PCDH15: variants seen among roughly 807,000 people sequenced by gnomAD.
The protein encoded by PCDH15 is protocadherin related 15, also known as protocadherin-15.
In PCDH15, 129 loss-of-function variants were observed where a neutral mutation model predicts 178.5. The ratio of observed to expected loss-of-function variants is 0.72; its 90% CI spans 0.63 to 0.84. The LOEUF (loss-of-function observed/expected upper bound fraction) is 0.84, where lower values mean the gene tolerates loss of function less well. Among genes scored for constraint, PCDH15 ranks in the 40% least tolerant of loss-of-function variants. The pLI is 0.00. For missense variants in PCDH15, 2,230 were observed against 2,099.9 expected (o/e 1.06, Z -1.21); for synonymous variants, 800 against 732.0 (o/e 1.09, Z -1.50).
intron 1 of PCDH15, among the ~76,000 whole-genome samples, chr10:55,314,340 T>C (rs1843668093): frequency 6.6e-6 from 1 of 151,556 alleles, no homozygotes; most frequent in African/African-American, 2.4e-5. Context: ...ACTCAGAACA[T>C]ATTGGTGGGA....
chr10:54,539,004 G>C (rs1360299934), intron 2 of PCDH15, among the ~76,000 whole-genome samples: 2 of 152,162 alleles, frequency 1.3e-5, no homozygotes, highest in Non-Finnish European at 2.9e-5. Flanking sequence ...TCTCTTGATT[G>C]CTTTAGAGAT....
intron 1 of PCDH15, among the ~76,000 whole-genome samples, chr10:54,695,869 T>TG (rs1272097214): frequency 6.6e-6 from 1 of 151,582 alleles, no homozygotes; most frequent in Admixed American, 6.6e-5. Context: ...TAAGCCCCAA[T>TG]GGAAAAAAAA....
chr10:54,308,600 C>A (rs2060697820), intron 8 of PCDH15, among the ~76,000 whole-genome samples: 2 of 151,830 alleles, frequency 1.3e-5, no homozygotes, highest in African/African-American at 4.8e-5. Context: ...TAAGGAGAAC[C>A]AAGGATTCCT....
chr10:54,066,252 T>C (rs1354200328), intron 18 of PCDH15, among the ~76,000 whole-genome samples: 2 of 152,202 alleles, frequency 1.3e-5, no homozygotes, highest in Non-Finnish European at 2.9e-5. Flanking sequence ...CACCGGCTAA[T>C]ATGTCCAGGT....
At chr10:53,928,884 A>G (rs943158844) in intron 25 of PCDH15, among the ~76,000 whole-genome samples, 3 of 152,034 alleles carry the variant, frequency 2.0e-5, no homozygotes, top group African/African-American at 7.2e-5. Flanking sequence ...ATTATTTACT[A>G]TATTAATTAT....
At chr10:55,294,580 T>C (rs1034367196) in intron 1 of PCDH15, among the ~76,000 whole-genome samples, 1 of 152,224 alleles carries the variant, frequency 6.6e-6, no homozygotes, top group African/African-American at 2.4e-5. Flanking sequence ...ATTTTTGTTA[T>C]TATGATAATT....
intron 18 of PCDH15, among the ~76,000 whole-genome samples, chr10:54,055,853 T>G (rs1375477323): frequency 6.6e-6 from 1 of 152,256 alleles, no homozygotes; most frequent in Non-Finnish European, 1.5e-5. Flanking sequence ...GATCTTTATC[T>G]TCTCACTTTC....
chr10:55,243,730 T>A (rs1043721066), intron 1 of PCDH15, among the ~76,000 whole-genome samples: 4 of 152,204 alleles, frequency 2.6e-5, no homozygotes, highest in African/African-American at 9.6e-5. Context: ...CCAGAAACAG[T>A]CTCTCTAAAG....
At chr10:54,608,305 CAAA>C (rs1294528229) in intron 2 of PCDH15, among the ~76,000 whole-genome samples, 1 of 136,902 alleles carries the variant, frequency 7.3e-6, no homozygotes, top group Non-Finnish European at 1.6e-5. Context: ...TTATCTCTAC[CAAA>C]AAAAAAAAAG....
At chr10:54,960,059 G>A (rs561234042) in intron 2 of PCDH15, among the ~76,000 whole-genome samples, 2 of 152,170 alleles carry the variant, frequency 1.3e-5, no homozygotes, top group African/African-American at 4.8e-5. Flanking sequence ...CCAGTCTTAT[G>A]ACCTTTATTC....
intron 1 of PCDH15, among the ~76,000 whole-genome samples, chr10:54,749,818 G>A (rs1301342053): frequency 1.3e-5 from 2 of 152,042 alleles, no homozygotes; most frequent in Non-Finnish European, 2.9e-5. Context: ...TTTTGCTTTT[G>A]TTTTCTTGAG....
At chr10:55,172,904 G>A (rs1334320599) in intron 1 of PCDH15, among the ~76,000 whole-genome samples, 3 of 151,800 alleles carry the variant, frequency 2.0e-5, no homozygotes, top group Non-Finnish European at 4.4e-5. Context: ...AGAGTTGCAA[G>A]CACTTTTAGA....
intron 14 of PCDH15, among the ~76,000 whole-genome samples, chr10:54,142,264 T>G (rs955685268): frequency 6.6e-6 from 1 of 152,198 alleles, no homozygotes; most frequent in Non-Finnish European, 1.5e-5. Context: ...AATATCCTAT[T>G]AACTAATCCT....
At chr10:54,046,706 G>A (rs2093662945) in intron 18 of PCDH15, among the ~76,000 whole-genome samples, 1 of 152,152 alleles carries the variant, frequency 6.6e-6, no homozygotes, top group Non-Finnish European at 1.5e-5. Flanking sequence ...AGATTTTCTG[G>A]TGATGCATTC....
intron 18 of PCDH15, among the ~76,000 whole-genome samples, chr10:54,026,020 T>A (rs2093076493): frequency 6.6e-6 from 1 of 151,994 alleles, no homozygotes; most frequent in Admixed American, 6.6e-5. Context: ...TGTGTGCAAG[T>A]GTGTGTATAC....
At chr10:54,420,534 C>T (rs539543555) in intron 3 of PCDH15, among the ~76,000 whole-genome samples, 2 of 152,006 alleles carry the variant, frequency 1.3e-5, no homozygotes, top group Non-Finnish European at 2.9e-5. Flanking sequence ...GCAGGTCAAA[C>T]TAGGATGTTT....
At chr10:54,497,047 C>T (rs1279492317) in intron 3 of PCDH15, among the ~76,000 whole-genome samples, 1 of 152,046 alleles carries the variant, frequency 6.6e-6, no homozygotes, top group African/African-American at 2.4e-5. Context: ...GGGAGTGTTA[C>T]TGCCAGTGGA....
intron 1 of PCDH15, among the ~76,000 whole-genome samples, chr10:54,666,858 T>G (rs2135453375): frequency 6.6e-6 from 1 of 152,138 alleles, no homozygotes; most frequent in South Asian, 2.1e-4. Context: ...ATTCACAAAT[T>G]ATGGCATATT....
chr10:55,146,546 A>T (rs1447559687), intron 2 of PCDH15, among the ~76,000 whole-genome samples: 2 of 151,912 alleles, frequency 1.3e-5, no homozygotes, highest in Admixed American at 6.6e-5. Context: ...GGTTTCTGCT[A>T]TAGCGTTCTG....
Sources: allele counts gnomAD v4.1 joint callset (sites outside exome capture counted in the v4.1 genomes callset), GRCh38; gene constraint gnomAD v4.1.1; transcripts MANE v1.5; gene names NCBI Gene and HGNC (gene_info 2026-07-23, HGNC 2026-07-21).